NUP98: variants seen among roughly 807,000 people sequenced by gnomAD.
NUP98 encodes nucleoporin 98 and 96 precursor.
In NUP98, 26 loss-of-function variants were observed where a neutral mutation model predicts 191.9. The ratio of observed to expected loss-of-function variants is 0.14; its 90% confidence interval spans 0.10 to 0.19. NUP98 has a LOEUF of 0.19. Ranked by LOEUF, NUP98 falls within the 10% of genes least tolerant of loss-of-function variation. The probability of loss-of-function intolerance (pLI) is 1.00; values close to 1 mark genes in which losing one functional copy is unlikely to be tolerated. For synonymous variants in NUP98, 808 were observed against 778.4 expected, an observed-to-expected ratio of 1.04 and a Z score of -0.63; for missense variants, 1,941 against 2,178.8, an observed-to-expected ratio of 0.89 and a Z score of 2.17.
chr11:3,686,247 TG>T, intron 28 of NUP98, 53 bp from the exon 29 acceptor site: 11 of 1,504,034 alleles, frequency 7.3e-6, no homozygotes, highest in Non-Finnish European at 1.0e-5. Flanking sequence ...CGGCCTGGAC[TG>T]ATATGTCAAC....
intron 1 of NUP98, among the ~76,000 whole-genome samples, chr11:3,785,718 C>G (rs140041820): frequency 4.7e-4 from 72 of 152,246 alleles, no homozygotes; most frequent in African/African-American, 1.7e-3. Context: ...GAGATCGTGC[C>G]ACTGCACTCC....
At chr11:3,776,120 CATTT>C in intron 4 of NUP98, 99 bp from the exon 5 acceptor site, 1 of 579,102 alleles carries the variant, frequency 1.7e-6, no homozygotes, top group South Asian at 2.2e-5. Flanking sequence ...CACAGTACTT[CATTT>C]TTTTTTTTTT....
At chr11:3,711,781 T>C in intron 20 of NUP98, 2 of 869,716 alleles carry the variant, frequency 2.3e-6, no homozygotes, top group Non-Finnish European at 2.8e-6. Flanking sequence ...ACATTTATCA[T>C]ACCCTCCCCT....
At chr11:3,690,259 A>ATT (rs199799610) in intron 28 of NUP98, among the ~76,000 whole-genome samples, 1 of 138,146 alleles carries the variant, frequency 7.2e-6, no homozygotes, top group South Asian at 2.3e-4. Flanking sequence ...GGCTGTCTGC[A>ATT]TTTTTTTTTT....
intron 12 of NUP98, among the ~76,000 whole-genome samples, chr11:3,742,999 A>G (rs1042259786): frequency 6.6e-6 from 1 of 151,874 alleles, no homozygotes; most frequent in African/African-American, 2.4e-5. Flanking sequence ...CCTGTGGAAT[A>G]TAATTTTCTT....
At chr11:3,680,605 G>C (rs926515871) in intron 30 of NUP98, among the ~76,000 whole-genome samples, 1 of 152,104 alleles carries the variant, frequency 6.6e-6, no homozygotes, top group Admixed American at 6.5e-5. Flanking sequence ...ACAGTGGCAC[G>C]ATCTTGGCTC....
intron 7 of NUP98, among the ~76,000 whole-genome samples, chr11:3,770,590 G>C (rs566203462): frequency 3.6e-4 from 54 of 151,930 alleles, no homozygotes; most frequent in African/African-American, 1.3e-3. Context: ...CATCTCTTTA[G>C]AAGGCTATGA....
At chr11:3,699,905 T>TAGATAACCCCTTTATC (rs2078624405) in intron 24 of NUP98, among the ~76,000 whole-genome samples, 1 of 152,186 alleles carries the variant, frequency 6.6e-6, no homozygotes. Flanking sequence ...ATTAATAAAT[T>TAGATAACCCCTTTATC]AGATAACCCC....
At chr11:3,763,097 TCA>T (rs2081228358) in intron 8 of NUP98, 58 bp from the exon 9 acceptor site, 2 of 1,512,802 alleles carry the variant, frequency 1.3e-6, no homozygotes, top group Non-Finnish European at 1.8e-6. Flanking sequence ...GTAACGAATC[TCA>T]GAGTAATAAA....
chr11:3,695,851 A>C (rs1455390761), intron 25 of NUP98, among the ~76,000 whole-genome samples: 1 of 152,042 alleles, frequency 6.6e-6, no homozygotes, highest in Non-Finnish European at 1.5e-5. Flanking sequence ...TCAACAACAG[A>C]TCTACCACTA....
chr11:3,730,692 T>C lies in NUP98; in HGVS notation c.1730+699A>G, dbSNP rs375780881. On this transcript the variant is annotated intron_variant, in intron 14 of 32. Transcript: ENST00000324932. Reference sequence around the variant, plus strand: ...TTACTGTATTTTTAGGGAAAGAAAGTTGTGTGTAATGTTTTTAACGTATCA... The same window carrying C: ...TTACTGTATTTTTAGGGAAAGAAAGCTGTGTGTAATGTTTTTAACGTATCA... Among the ~76,000 whole-genome samples the C allele has an allele frequency of 2.7e-3, 417 of 152,058 alleles. 3 individuals carry two copies. The highest frequency in any genetic ancestry group is 9.1e-3 in the African/African-American group (379 of 41,490).
At chr11:3,695,966 T>C (rs1054604520) in intron 25 of NUP98, among the ~76,000 whole-genome samples, 4 of 150,606 alleles carry the variant, frequency 2.7e-5, no homozygotes, top group African/African-American at 4.9e-5. Context: ...CCAAGGGAGG[T>C]GGATTACTTG....
At position 3,713,789 on chromosome 11, in the gene NUP98, A is replaced by G. The variant is rs373753070; in HGVS notation, c.2577+29T>C. 1.3e-5 allele frequency: 20 copies of G among 1,587,610 alleles called. No individual in the cohort carries two copies. In the South Asian group the frequency reaches 1.4e-4, roughly 11 times the overall value. On this transcript the variant is annotated intron_variant, in intron 19 of 32. Coordinates refer to ENST00000324932, the MANE Select transcript of NUP98 (RefSeq NM_016320.5). ...TATGTGACTCCAAATATAGTTTATA[A>G]AAGTCTGAACTGGGTTAAATGACTA...
rs1439014194 is a variant in NUP98, at chr11:3,753,361, C to T, written c.1222G>A (p.Ala408Thr). Reference sequence around the variant, plus strand: ...AGCCCAGTTCCAAGAGTCCCAGGTGCTGGTTTACTTCCAAAAATACTATTC... The same window carrying T: ...AGCCCAGTTCCAAGAGTCCCAGGTGTTGGTTTACTTCCAAAAATACTATTC... ...SGNSIFGSKP[A>T]PGTLGTGLGA... The change falls in exon 11 of 33, where the codon GCA becomes ACA. Residue 408 changes from alanine to threonine, a missense_variant. Transcript: ENST00000324932. The T allele has an allele frequency of 1.2e-6, 2 of 1,614,042 alleles. No homozygotes were observed. The highest frequency in any genetic ancestry group is 2.2e-5 in the South Asian group (2 of 91,068).
intron 12 of NUP98, among the ~76,000 whole-genome samples, chr11:3,739,824 GAACAACAC>G (rs1359833239): frequency 6.6e-6 from 1 of 152,100 alleles, no homozygotes. Context: ...GCTGACCTTT[GAACAACAC>G]AAGTTTGAAC....
intron 31 of NUP98, among the ~76,000 whole-genome samples, chr11:3,677,410 G>T (rs994440386): frequency 2.3e-5 from 3 of 130,782 alleles, no homozygotes; most frequent in African/African-American, 2.8e-5. Context: ...TGTAACATAG[G>T]TTTTTTTTTT....
chr11:3,726,977 G>T (rs1307277964), intron 14 of NUP98, among the ~76,000 whole-genome samples: 2 of 151,954 alleles, frequency 1.3e-5, no homozygotes, highest in African/African-American at 4.8e-5. Flanking sequence ...TGTTGCCAAG[G>T]TTGGTCTCAC....
intron 26 of NUP98, among the ~76,000 whole-genome samples, chr11:3,694,373 A>AC (rs2078430617): frequency 6.6e-6 from 1 of 151,562 alleles, no homozygotes; most frequent in East Asian, 1.9e-4. Context: ...TCTATCTCAA[A>AC]AAACAACAAC....
At chr11:3,765,159 T>G (rs893968062) in intron 8 of NUP98, among the ~76,000 whole-genome samples, 1 of 152,250 alleles carries the variant, frequency 6.6e-6, no homozygotes. Context: ...TTCACTTTGA[T>G]GATATCCCTT....
Sources: allele counts gnomAD v4.1 joint callset (sites outside exome capture counted in the v4.1 genomes callset), GRCh38; gene constraint gnomAD v4.1.1; transcripts MANE v1.5; gene names NCBI Gene and HGNC (gene_info 2026-07-23, HGNC 2026-07-21).